OPCML: variants seen among roughly 807,000 people sequenced by gnomAD.
The protein encoded by OPCML is opioid-binding protein/cell adhesion molecule.
A neutral mutation model predicts 37.8 loss-of-function variants in OPCML; 13 were observed. That is an observed-to-expected ratio of 0.34 (90% CI 0.22 to 0.55). The LOEUF (loss-of-function observed/expected upper bound fraction) is 0.55, where lower values mean the gene tolerates loss of function less well. Among genes scored for constraint, OPCML ranks in the 20% least tolerant of loss-of-function variants. The probability of loss-of-function intolerance (pLI) is 0.91; values close to 1 mark genes in which losing one functional copy is unlikely to be tolerated. For missense variants in OPCML, 341 were observed against 435.6 expected, an observed-to-expected ratio of 0.78 and a Z score of 1.93; for synonymous variants, 176 against 168.8, an observed-to-expected ratio of 1.04 and a Z score of -0.33.
intron 1 of OPCML, among the ~76,000 whole-genome samples, chr11:133,189,041 A>C (rs1484065430): frequency 6.6e-6 from 1 of 152,026 alleles, no homozygotes. Context: ...TCCTCAAATA[A>C]ATGGGCAAAA....
intron 1 of OPCML, among the ~76,000 whole-genome samples, chr11:133,488,462 T>C (rs1947580928): frequency 1.3e-5 from 2 of 152,234 alleles, no homozygotes; most frequent in African/African-American, 2.4e-5. Flanking sequence ...ACACCAATGA[T>C]GATCTAACCA....
chr11:132,660,511 A>C (rs1384558634), intron 2 of OPCML, among the ~76,000 whole-genome samples: 1 of 152,204 alleles, frequency 6.6e-6, no homozygotes, highest in Non-Finnish European at 1.5e-5. Flanking sequence ...ATACCATTTT[A>C]CCAGGCCTTA....
At chr11:132,628,129 A>C (rs1591642881) in intron 3 of OPCML, among the ~76,000 whole-genome samples, 1 of 152,156 alleles carries the variant, frequency 6.6e-6, no homozygotes, top group African/African-American at 2.4e-5. Flanking sequence ...GAGAGAGGAC[A>C]GAAGACAGGA....
At chr11:132,961,053 A>C (rs1388656789) in intron 1 of OPCML, among the ~76,000 whole-genome samples, 1 of 152,188 alleles carries the variant, frequency 6.6e-6, no homozygotes, top group African/African-American at 2.4e-5. Context: ...GGCATGAGTG[A>C]CTTTCTTCTT....
chr11:132,455,313 G>A (rs934293082), intron 4 of OPCML, among the ~76,000 whole-genome samples: 1 of 152,182 alleles, frequency 6.6e-6, no homozygotes, highest in African/African-American at 2.4e-5. Flanking sequence ...CCTGGAGTGT[G>A]CAGTGACCTG....
At chr11:133,446,165 A>C (rs1946470653) in intron 1 of OPCML, among the ~76,000 whole-genome samples, 1 of 152,098 alleles carries the variant, frequency 6.6e-6, no homozygotes, top group African/African-American at 2.4e-5. Context: ...TGAACTACAC[A>C]GTGGTTATGA....
intron 1 of OPCML, among the ~76,000 whole-genome samples, chr11:133,434,695 T>C (rs894976549): frequency 2.6e-5 from 4 of 151,152 alleles, no homozygotes; most frequent in Non-Finnish European, 5.9e-5. Flanking sequence ...AAAAAGTTTC[T>C]AGTAAGAAAA....
chr11:133,307,251 A>G (rs1003663022), intron 1 of OPCML, among the ~76,000 whole-genome samples: 19 of 152,110 alleles, frequency 1.2e-4, no homozygotes, highest in African/African-American at 4.6e-4. Flanking sequence ...AGGAAGTGGC[A>G]TAAGAGATGA....
rs1283968165 is a variant in OPCML at position 132,538,933 on chromosome 11, A to G, written c.380-9747T>C. On this transcript the variant is annotated intron_variant, in intron 3 of 7. Coordinates refer to ENST00000524381, the MANE Select transcript of OPCML (RefSeq NM_001012393.5). ...TGCTGAACTCTTACTCATACTTGAA[A>G]ACTGGTATTGAGATAGAATACCTTC... Among the ~76,000 whole-genome samples, 4 of 152,160 alleles carry G rather than the reference A, an allele frequency of 2.6e-5. No individual in the cohort carries two copies. The East Asian group carries it at 5.8e-4, about 22-fold the overall frequency.
chr11:133,096,320 T>C (rs1949003083), intron 1 of OPCML, among the ~76,000 whole-genome samples: 1 of 152,048 alleles, frequency 6.6e-6, no homozygotes. Context: ...GTTGTGAATG[T>C]ATAGTGTGAA....
chr11:133,002,789 G>C (rs1947032675), intron 1 of OPCML, among the ~76,000 whole-genome samples: 1 of 151,432 alleles, frequency 6.6e-6, no homozygotes, highest in South Asian at 2.1e-4. Flanking sequence ...GGGGGGGGTG[G>C]GAAGAGAAGA....
intron 1 of OPCML, among the ~76,000 whole-genome samples, chr11:133,401,677 C>T (rs1438067481): frequency 6.6e-6 from 1 of 151,992 alleles, no homozygotes; most frequent in Non-Finnish European, 1.5e-5. Context: ...CCAAACAAAA[C>T]AAAACAAGAC....
Position 133,044,084 on chromosome 11 carries a change from T to TCAGGAAAGCCTTCCTGGC in OPCML, c.62-101075_62-101074insGCCAGGAAGGCTTTCCTG, listed in dbSNP as rs1481041683. 7.9e-5 allele frequency among the ~76,000 whole-genome samples: 12 copies of TCAGGAAAGCCTTCCTGGC among 152,244 alleles called. No individual in the cohort carries two copies. The East Asian group carries it at 2.3e-3, about 30-fold the overall frequency. On this transcript the variant is annotated intron_variant, in intron 1 of 7. Coordinates refer to ENST00000524381, the MANE Select transcript of OPCML (RefSeq NM_001012393.5). ...GATCTTTGCTATCCTATGGAGAGGA[T>TCAGGAAAGCCTTCCTGGC]CAGGAAAGCCTTCCACAAGGGAGCC...
chr11:133,185,502 G>C (rs1394543125), intron 1 of OPCML, among the ~76,000 whole-genome samples: 1 of 152,328 alleles, frequency 6.6e-6, no homozygotes, highest in East Asian at 1.9e-4. Flanking sequence ...GGACAAAATG[G>C]TCCAGTGATG....
At chr11:133,327,189 G>A (rs893960203) in intron 1 of OPCML, among the ~76,000 whole-genome samples, 2 of 150,746 alleles carry the variant, frequency 1.3e-5, no homozygotes, top group South Asian at 2.1e-4. Flanking sequence ...GATGTGGGTG[G>A]GGTGTGTGTA....
intron 1 of OPCML, chr11:133,301,016 A>G (rs1592181096): frequency 6.6e-6 from 1 of 152,154 alleles, no homozygotes; most frequent in Non-Finnish European, 1.5e-5. Context: ...GAATAAATTT[A>G]TGTTATTTCA....
intron 4 of OPCML, among the ~76,000 whole-genome samples, chr11:132,486,322 G>C (rs1475024748): frequency 6.6e-6 from 1 of 152,154 alleles, no homozygotes; most frequent in Non-Finnish European, 1.5e-5. Flanking sequence ...CCCCACAATG[G>C]TTCTTTGATG....
chr11:133,258,386 C>T (rs781332130), intron 1 of OPCML, among the ~76,000 whole-genome samples: 1 of 152,126 alleles, frequency 6.6e-6, no homozygotes, highest in Non-Finnish European at 1.5e-5. Flanking sequence ...ATCTTCAACT[C>T]TTTGAGAATG....
At chr11:132,449,500 TACTA>T (rs1014196716) in intron 4 of OPCML, among the ~76,000 whole-genome samples, 23 of 152,226 alleles carry the variant, frequency 1.5e-4, no homozygotes, top group African/African-American at 5.5e-4. Context: ...TCCTCGCCTT[TACTA>T]AAAATATCCC....
Sources: allele counts gnomAD v4.1 joint callset (sites outside exome capture counted in the v4.1 genomes callset), GRCh38; gene constraint gnomAD v4.1.1; transcripts MANE v1.5; gene names NCBI Gene and HGNC (gene_info 2026-07-23, HGNC 2026-07-21).